BHLHE40: variants seen among roughly 807,000 people sequenced by gnomAD.
The protein encoded by BHLHE40 is basic helix-loop-helix family member e40, also known as class E basic helix-loop-helix protein 40.
BHLHE40 carries 3 observed loss-of-function variants against 35.7 expected under a neutral mutation model. The observed-to-expected ratio is 0.08, with a 90% CI of 0.04 to 0.22. The LOEUF is 0.22. Ranked by LOEUF, BHLHE40 falls within the 10% of genes least tolerant of loss-of-function variation. The pLI is 1.00. For synonymous variants in BHLHE40, 236 were observed against 213.0 expected (o/e 1.11, Z -0.94); for missense variants, 486 against 524.0 (o/e 0.93, Z 0.71).
intron 3 of BHLHE40, 107 bp from the exon 4 acceptor site, chr3:4,981,285 A>T: frequency 1.4e-6 from 2 of 1,395,230 alleles, no homozygotes; most frequent in Non-Finnish European, 1.9e-6. Context: ...CAACCAGGAA[A>T]CACTATTCCA....
rs1208237064 is a variant in BHLHE40 at position 4,984,614 on chromosome 3, C to G, written c.*922C>G. ...CAGTTTTCAATTCCATCCTAAAACT[C>G]CTTTTAACCAAGCTTAGCTTCTCAA... On this transcript the variant is annotated 3_prime_UTR_variant, in exon 5 of 5. Coordinates refer to ENST00000256495, the MANE Select transcript of BHLHE40 (RefSeq NM_003670.3). 1 of 152,626 alleles carries G rather than the reference C, an allele frequency of 6.6e-6. No individual in the cohort carries two copies. The highest frequency in any genetic ancestry group is 1.5e-5 in the Non-Finnish European group (1 of 68,052). The allele number at this position is 152,626 out of a possible 1,614,324, so 9.5% of individuals were successfully genotyped here. A position where few individuals can be genotyped will look rare whatever the true frequency, so the allele number is the denominator to read the frequency against.
Position 4,984,599 on chromosome 3 carries a change from T to G in BHLHE40, c.*907T>G, listed in dbSNP as rs2053231541. On this transcript the variant is annotated 3_prime_UTR_variant, in exon 5 of 5. Transcript: ENST00000256495. ...AAACAGAACTAGACTCAGTTTTCAA[T>G]TCCATCCTAAAACTCCTTTTAACCA... 1 of 152,510 alleles carries G rather than the reference T, an allele frequency of 6.6e-6. No homozygotes were observed. The highest frequency in any genetic ancestry group is 6.5e-5 in the Admixed American group (1 of 15,286). The allele number at this position is 152,510 out of a possible 1,614,324, so 9.4% of individuals were successfully genotyped here. A position where few individuals can be genotyped will look rare whatever the true frequency, so the allele number is the denominator to read the frequency against.
At chr3:4,981,312 C>A (rs1190451346) in intron 3 of BHLHE40, 80 bp from the exon 4 acceptor site, 12 of 1,502,354 alleles carry the variant, frequency 8.0e-6, no homozygotes, top group Non-Finnish European at 1.1e-5. Flanking sequence ...TTTTTCTTTT[C>A]TCATTTCTCA....
rs752267140 is a variant in BHLHE40, at chr3:4,983,509, C to T, written c.1056C>T (p.Tyr352=). ...CWYPTSVPVL[Y]PGLNASAAAL... is the part of the protein sequence containing the mutation. ...ATCCCACCTCAGTGCCAGTGCTATA[C>T]CCAGGCCTCAACGCCTCTGCCGCAG... The change falls in exon 5 of 5, where the codon TAC becomes TAT. Residue 352 remains tyrosine (Y), a synonymous_variant. Coordinates refer to ENST00000256495, the MANE Select transcript of BHLHE40 (RefSeq NM_003670.3). The surrounding 1 kb of genome is among the most constrained non-coding windows in gnomAD (Gnocchi z 5.0). 5 of 1,614,170 alleles carry T rather than the reference C, an allele frequency of 3.1e-6. No individual in the cohort carries two copies. The highest frequency in any genetic ancestry group is 4.5e-5 in the East Asian group (2 of 44,880).
At position 4,983,969 on chromosome 3, in the gene BHLHE40, G is replaced by A. The variant is rs74439275; in HGVS notation, c.*277G>A. 0.13 allele frequency: 56,343 copies of A among 430,510 alleles called. 4,223 individuals carry two copies. Among genetic ancestry groups the A allele is most frequent in the Admixed American group, 0.21 (5,027 of 24,480 alleles). The allele number at this position is 430,510 out of a possible 1,614,324, so 26.7% of individuals were successfully genotyped here. On this transcript the variant is annotated 3_prime_UTR_variant, in exon 5 of 5. Transcript: ENST00000256495. The surrounding 1 kb of genome is among the most constrained non-coding windows in gnomAD (Gnocchi z 5.0). Reference sequence around the variant, plus strand: ...GACATCAGGAGACTTGGGGGGGATTGTAGCAGACGTCTGGGCTTTTCCCCA... The same window carrying A: ...GACATCAGGAGACTTGGGGGGGATTATAGCAGACGTCTGGGCTTTTCCCCA...
In BHLHE40 at chr3:4,980,387, A is replaced by G. The variant is rs762215065; in HGVS notation, c.237A>G (p.Leu79=). The part of the protein sequence containing the change: ...NECIAQLKDL[L]PEHLKLTTLG... ...GCATCGCCCAGCTGAAGGATCTCCT[A>G]CCCGAACATCTCAAACTTACAGTAA... Residue 79 remains leucine, a synonymous_variant, in exon 3 of 5, where the codon CTA becomes CTG. Transcript: ENST00000256495. The G allele has an allele frequency of 2.5e-6, 4 of 1,613,834 alleles. No individual in the cohort carries two copies. Among genetic ancestry groups the G allele is most frequent in the African/African-American group, 2.7e-5 (2 of 74,908 alleles).
In BHLHE40 at chr3:4,982,865, G is replaced by C. The variant is rs367916203; in HGVS notation, c.412G>C (p.Gly138Arg). 3.1e-6 allele frequency: 5 copies of C among 1,614,142 alleles called. No homozygotes were observed. The African/African-American group carries it at 5.3e-5, about 17-fold the overall frequency. Residue 138 changes from glycine (G) to arginine (R), a missense_variant, in exon 5 of 5, where the codon GGT becomes CGT. Physicochemically the swap from Gly to Arg is moderately radical, Grantham distance 125. This residue lies in a region of BHLHE40 where 176 missense variants were observed against 180.5 expected (regional missense o/e 0.98). Transcript: ENST00000256495. Reference sequence around the variant, plus strand: ...GCTGTCAGGGAGAAATGTCGAAACAGGTCAAGAGATGTTCTGCTCAGGTTT... The same window carrying C: ...GCTGTCAGGGAGAAATGTCGAAACACGTCAAGAGATGTTCTGCTCAGGTTT... ...GELSGRNVET[G>R]QEMFCSGFQT...
At chr3:4,980,263 T>G in intron 2 of BHLHE40, 38 bp from the exon 3 acceptor site, 1 of 1,573,832 alleles carries the variant, frequency 6.4e-7, no homozygotes, top group Non-Finnish European at 8.7e-7. Flanking sequence ...TCTCATCTCC[T>G]TCCCCAAGCG....
chr3:4,981,643 C>A, intron 4 of BHLHE40, 128 bp downstream of exon 4: 2 of 1,254,258 alleles, frequency 1.6e-6, no homozygotes, highest in Non-Finnish European at 2.2e-6. Flanking sequence ...GGGGGAGATG[C>A]AGTTTTATCT....
chr3:4,983,852 G>GTGTC lies in BHLHE40; in HGVS notation c.*163_*164insCTGT. 1.1e-6 allele frequency: 1 copy of GTGTC among 951,764 alleles called. No individual in the cohort carries two copies. Among genetic ancestry groups the GTGTC allele is most frequent in the Non-Finnish European group, 1.5e-6 (1 of 655,354 alleles). The allele number at this position is 951,764 out of a possible 1,614,324, so 59.0% of individuals were successfully genotyped here. On this transcript the variant is annotated 3_prime_UTR_variant, in exon 5 of 5. Coordinates refer to ENST00000256495, the MANE Select transcript of BHLHE40 (RefSeq NM_003670.3). This position sits in a 1 kb window ranked among gnomAD's most constrained non-coding sequence, Gnocchi z 5.0. ...AGGGTGTGTGTGTGTGTGTGTGTGT[G>GTGTC]TGTATGTGCGTGTGCGTGCACATGT... is the stretch of plus-strand genomic sequence containing the variant.
chr3:4,980,608 C>T (rs2053184608), intron 3 of BHLHE40, among the ~76,000 whole-genome samples, 200 bp downstream of exon 3: 1 of 152,200 alleles, frequency 6.6e-6, no homozygotes, highest in Admixed American at 6.5e-5. Context: ...ACCACTTGGA[C>T]CTCTCCAAGT....
rs1014203732 is a variant in BHLHE40 at position 4,983,874 on chromosome 3, A to G, written c.*182A>G. The G allele has an allele frequency of 9.1e-6, 7 of 771,454 alleles. No homozygotes were observed. Among genetic ancestry groups the G allele is most frequent in the African/African-American group, 2.0e-5 (1 of 50,994 alleles). 47.8% of individuals were successfully genotyped at this position (771,454 alleles called of 1,614,324 possible). A position where few individuals can be genotyped will look rare whatever the true frequency, so the allele number is the denominator to read the frequency against. ...TGTGTGTATGTGCGTGTGCGTGCAC[A>G]TGTGTGCCTGCGTGTTGGTATAGGA... On this transcript the variant is annotated 3_prime_UTR_variant, in exon 5 of 5. Transcript: ENST00000256495. This position sits in a 1 kb window ranked among gnomAD's most constrained non-coding sequence, Gnocchi z 5.0.
Position 4,983,834 on chromosome 3 carries a change from GTGTGTGTGTGTGTGTGTGTGTA to G in BHLHE40, c.*147_*168del. On this transcript the variant is annotated 3_prime_UTR_variant, in exon 5 of 5. Coordinates refer to ENST00000256495, the MANE Select transcript of BHLHE40 (RefSeq NM_003670.3). The surrounding 1 kb of genome is among the most constrained non-coding windows in gnomAD (Gnocchi z 5.0). Reference sequence around the variant, plus strand: ...GGCATGGAGAGCAGATTCAGGGTGTGTGTGTGTGTGTGTGTGTGTGTATGTGCGTGTGCGTGCACATGTGTGC... The same window carrying G: ...GGCATGGAGAGCAGATTCAGGGTGTGTGTGCGTGTGCGTGCACATGTGTGC... The G allele has an allele frequency of 3.2e-6, 3 of 951,960 alleles. No homozygotes were observed. The highest frequency in any genetic ancestry group is 4.6e-6 in the Non-Finnish European group (3 of 653,438). The allele number at this position is 951,960 out of a possible 1,614,324, so 59.0% of individuals were successfully genotyped here. A position where few individuals can be genotyped will look rare whatever the true frequency, so the allele number is the denominator to read the frequency against.
rs764676216 is a variant in BHLHE40, at chr3:4,982,894, G to A, written c.441G>A (p.Gln147=). The A allele has an allele frequency of 6.2e-7, 1 of 1,614,052 alleles. No homozygotes were observed. Among genetic ancestry groups the A allele is most frequent in the African/African-American group, 1.3e-5 (1 of 74,902 alleles). The stretch of plus-strand genomic sequence containing the variant: ...AAGAGATGTTCTGCTCAGGTTTCCA[G>A]ACATGTGCCCGGGAGGTGCTTCAGT... The part of the protein sequence containing the change: ...TGQEMFCSGF[Q]TCAREVLQYL... Residue 147 remains glutamine, a synonymous_variant, in exon 5 of 5, where the codon CAG becomes CAA. Coordinates refer to ENST00000256495, the MANE Select transcript of BHLHE40 (RefSeq NM_003670.3).
chr3:4,981,653 T>C, intron 4 of BHLHE40, 138 bp downstream of exon 4: 1 of 1,202,762 alleles, frequency 8.3e-7, no homozygotes, highest in Non-Finnish European at 1.1e-6. Context: ...CAGTTTTATC[T>C]TTCCTAAAAG....
At chr3:4,980,261 C>T in intron 2 of BHLHE40, 40 bp from the exon 3 acceptor site, 1 of 1,566,460 alleles carries the variant, frequency 6.4e-7, no homozygotes, top group Non-Finnish European at 8.8e-7. Flanking sequence ...CTTCTCATCT[C>T]CTTCCCCAAG....
In BHLHE40 at chr3:4,983,746, G is replaced by A. The variant is rs2106498612; in HGVS notation, c.*54G>A. ...TTCCTTCCTCGCTACTTCCTAAAAAGCAACAAAAAAGTTTTTGTGAATGCT... is the reference window on the plus strand; with the variant it reads ...TTCCTTCCTCGCTACTTCCTAAAAAACAACAAAAAAGTTTTTGTGAATGCT... On this transcript the variant is annotated 3_prime_UTR_variant, in exon 5 of 5. Transcript: ENST00000256495. The surrounding 1 kb of genome is among the most constrained non-coding windows in gnomAD (Gnocchi z 5.0). The A allele has an allele frequency of 6.6e-7, 1 of 1,525,572 alleles. No individual in the cohort carries two copies. The highest frequency in any genetic ancestry group is 2.2e-5 in the Admixed American group (1 of 45,992). 94.5% of individuals were successfully genotyped at this position (1,525,572 alleles called of 1,614,324 possible). A position where few individuals can be genotyped will look rare whatever the true frequency, so the allele number is the denominator to read the frequency against.
chr3:4,983,093 G>T lies in BHLHE40; in HGVS notation c.640G>T (p.Gly214Cys). The change falls in exon 5 of 5, where the codon GGT becomes TGT. Residue 214 changes from glycine (G) to cysteine (C), a missense_variant. Around this residue, in one of 5 missense-constraint regions of BHLHE40, gnomAD observed 176 missense variants for 180.5 expected, o/e 0.98. Coordinates refer to ENST00000256495, the MANE Select transcript of BHLHE40 (RefSeq NM_003670.3). The surrounding 1 kb of genome is among the most constrained non-coding windows in gnomAD (Gnocchi z 5.0). ...KPSSPAKGSE[G>C]PGKNCVPVIQ... is the part of the protein sequence containing the mutation. ...CAGCTCTCCGGCCAAAGGTTCGGAA[G>T]GTCCTGGGAAAAACTGCGTGCCAGT... 6.2e-7 allele frequency: 1 copy of T among 1,614,194 alleles called. No individual in the cohort carries two copies. Among genetic ancestry groups the T allele is most frequent in the South Asian group, 1.1e-5 (1 of 91,078 alleles).
chr3:4,980,327 C>A lies in BHLHE40; in HGVS notation c.177C>A (p.Leu59=). The change falls in exon 3 of 5, where the codon CTC becomes CTA. Residue 59 remains leucine, a synonymous_variant. Transcript: ENST00000256495. ...AGACCTACAAATTGCCGCACCGGCT[C>A]ATCGAGAAAAAGAGACGTGACCGGA... ...SKETYKLPHR[L]IEKKRRDRIN... The A allele has an allele frequency of 1.9e-6, 3 of 1,614,138 alleles. No homozygotes were observed. Among genetic ancestry groups the A allele is most frequent in the South Asian group, 2.2e-5 (2 of 91,060 alleles).
Sources: allele counts gnomAD v4.1 joint callset (sites outside exome capture counted in the v4.1 genomes callset), GRCh38; gene constraint gnomAD v4.1.1; regional missense constraint gnomAD v4.1.1; non-coding constraint Gnocchi (gnomAD v3.1); transcripts MANE v1.5; gene names NCBI Gene and HGNC (gene_info 2026-07-23, HGNC 2026-07-21).